Variants in TENM2 observed in about 807,000 individuals in gnomAD.
The protein encoded by TENM2 is teneurin transmembrane protein 2, also known as teneurin-2.
A neutral mutation model predicts 245.2 loss-of-function variants in TENM2; 52 were observed. The observed-to-expected ratio is 0.21, with a 90% CI of 0.17 to 0.27. The LOEUF is 0.27. Ranked by LOEUF, TENM2 falls within the 10% of genes least tolerant of loss-of-function variation. The probability of loss-of-function intolerance (pLI) is 1.00; values close to 1 mark genes in which losing one functional copy is unlikely to be tolerated. For synonymous variants in TENM2, 1,363 were observed against 1,438.9 expected (o/e 0.95, Z 1.19); for missense variants, 3,046 against 3,666.8 (o/e 0.83, Z 4.37).
At chr5:168,209,409 C>T (rs1393810721) in intron 19 of TENM2, among the ~76,000 whole-genome samples, 1 of 152,202 alleles carries the variant, frequency 6.6e-6, no homozygotes, top group African/African-American at 2.4e-5. Flanking sequence ...CATTGTAGGG[C>T]AGGAGCATTC....
intron 2 of TENM2, among the ~76,000 whole-genome samples, chr5:167,545,563 C>T (rs763506564): frequency 2.3e-4 from 35 of 152,246 alleles, no homozygotes; most frequent in Admixed American, 4.6e-4. Context: ...TCTTCAAACA[C>T]GTATGTATGG....
chr5:167,192,266 G>A, the TENM2 span, among the ~76,000 whole-genome samples: 7 of 151,956 alleles, frequency 4.6e-5, no homozygotes, highest in African/African-American at 1.7e-4. Flanking sequence ...TACAAGACAT[G>A]AATTTTTTGT....
At chr5:168,067,278 C>T (rs951408638) in intron 7 of TENM2, among the ~76,000 whole-genome samples, 1 of 152,078 alleles carries the variant, frequency 6.6e-6, no homozygotes, top group Admixed American at 6.6e-5. Flanking sequence ...GATGCTGGTA[C>T]CCCCTAATGC....
At position 167,487,467 on chromosome 5, in the gene TENM2, TTG is replaced by T. The variant is rs141079824; in HGVS notation, c.502+112002_502+112003del. Among the ~76,000 whole-genome samples the T allele has an allele frequency of 0.013, 2,018 of 152,246 alleles. 113 individuals carry two copies. The East Asian group carries it at 0.2, about 15-fold the overall frequency. ...TTTATGTGTTTATATATATGTGTTT[TTG>T]TGTGTGTCTTTTATATGCATGTTTA... On this transcript the variant is annotated intron_variant, in intron 2 of 28. Coordinates refer to ENST00000518659, the Ensembl canonical transcript of TENM2.
chr5:167,020,032 C>A, the TENM2 span, among the ~76,000 whole-genome samples: 1 of 152,048 alleles, frequency 6.6e-6, no homozygotes, highest in East Asian at 1.9e-4. Flanking sequence ...TATCTCATTT[C>A]TAAACTTTAC....
At chr5:167,158,699 G>A in the TENM2 span, among the ~76,000 whole-genome samples, 3 of 151,980 alleles carry the variant, frequency 2.0e-5, no homozygotes, top group East Asian at 3.9e-4. Context: ...TCCTTACAAG[G>A]ATACAAATCT....
chr5:167,094,113 A>T, the TENM2 span, among the ~76,000 whole-genome samples: 1 of 152,246 alleles, frequency 6.6e-6, no homozygotes, highest in African/African-American at 2.4e-5. Context: ...TGCTAATTTG[A>T]TGGCATATTT....
Position 167,750,723 on chromosome 5 carries a change from T to C in TENM2, c.503-125263T>C, listed in dbSNP as rs566971512. Among the ~76,000 whole-genome samples the C allele has an allele frequency of 1.3e-5, 2 of 152,258 alleles. 1 individual carries two copies. Among genetic ancestry groups the C allele is most frequent in the East Asian group, 3.9e-4 (2 of 5,154 alleles). Reference sequence around the variant, plus strand: ...ATTCCAGCCTGGGGTTTTCTTTTTTTAATAAAAATGATGTGGGTAGCTGAT... The same window carrying C: ...ATTCCAGCCTGGGGTTTTCTTTTTTCAATAAAAATGATGTGGGTAGCTGAT... On this transcript the variant is annotated intron_variant, in intron 2 of 28. Transcript: ENST00000518659.
chr5:167,976,866 A>T (rs1292156869), intron 4 of TENM2, among the ~76,000 whole-genome samples: 1 of 152,200 alleles, frequency 6.6e-6, no homozygotes. Flanking sequence ...AGATGCGTGC[A>T]TGTGTATGTT....
chr5:167,348,214 C>T (rs1758591537), intron 1 of TENM2, among the ~76,000 whole-genome samples: 1 of 152,206 alleles, frequency 6.6e-6, no homozygotes, highest in African/African-American at 2.4e-5. Flanking sequence ...CGAGGCCAAA[C>T]TTAATAATAC....
chr5:167,080,461 G>A, the TENM2 span, among the ~76,000 whole-genome samples: 3 of 152,248 alleles, frequency 2.0e-5, no homozygotes, highest in African/African-American at 7.2e-5. Context: ...AGATGTTCCT[G>A]AATGAATGAT....
At chr5:167,879,680 T>A (rs928920102) in intron 3 of TENM2, among the ~76,000 whole-genome samples, 1 of 152,176 alleles carries the variant, frequency 6.6e-6, no homozygotes, top group Non-Finnish European at 1.5e-5. Context: ...AGGTTTTTTT[T>A]AAAGTTTAAA....
the TENM2 span, among the ~76,000 whole-genome samples, chr5:167,264,215 GT>G: frequency 6.6e-6 from 1 of 151,902 alleles, no homozygotes; most frequent in African/African-American, 2.4e-5. Flanking sequence ...TTAAGACACG[GT>G]TTTTCTATTC....
chr5:167,177,125 G>C, the TENM2 span, among the ~76,000 whole-genome samples: 3 of 152,038 alleles, frequency 2.0e-5, no homozygotes, highest in Non-Finnish European at 4.4e-5. Context: ...TTGAGACAAA[G>C]GGGAAATGAA....
chr5:167,082,773 CT>C, the TENM2 span, among the ~76,000 whole-genome samples: 1 of 151,958 alleles, frequency 6.6e-6, no homozygotes, highest in Admixed American at 6.6e-5. Flanking sequence ...AAATTAGGAG[CT>C]TTTTAAAAAT....
the TENM2 span, among the ~76,000 whole-genome samples, chr5:167,134,383 T>G: frequency 6.6e-6 from 1 of 152,226 alleles, no homozygotes. Context: ...TAAAATTCAA[T>G]AGAACATTGA....
At chr5:167,130,872 C>T in the TENM2 span, among the ~76,000 whole-genome samples, 2,880 of 145,790 alleles carry the variant, frequency 0.02, 89 homozygotes, top group African/African-American at 0.07. Context: ...CAGGGCTTTG[C>T]AGCCAGTGTT....
intron 3 of TENM2, chr5:167,937,629 C>T (rs922650276): frequency 6.6e-6 from 1 of 152,006 alleles, no homozygotes. Context: ...CCTAATGAAA[C>T]AGTCCTTACA....
At chr5:167,500,080 G>C (rs1021022792) in intron 2 of TENM2, among the ~76,000 whole-genome samples, 3 of 151,762 alleles carry the variant, frequency 2.0e-5, no homozygotes, top group African/African-American at 7.3e-5. Context: ...GTGTGTGAGT[G>C]TGTGTGTTCT....
Sources: allele counts gnomAD v4.1 joint callset (sites outside exome capture counted in the v4.1 genomes callset), GRCh38; gene constraint gnomAD v4.1.1; transcripts MANE v1.5; gene names NCBI Gene and HGNC (gene_info 2026-07-23, HGNC 2026-07-21).